Variants in PCDHGA7 observed in about 807,000 individuals in gnomAD.
PCDHGA7 encodes protocadherin gamma-A7.
In PCDHGA7, 44 loss-of-function variants were observed where a neutral mutation model predicts 58.3. That is an observed-to-expected ratio of 0.75 (90% CI 0.59 to 0.97). The LOEUF (loss-of-function observed/expected upper bound fraction) is 0.97, where lower values mean the gene tolerates loss of function less well. Among genes scored for constraint, PCDHGA7 ranks in the 50% least tolerant of loss-of-function variants. PCDHGA7 has a pLI of 0.00. For synonymous variants in PCDHGA7, 516 were observed against 504.2 expected (o/e 1.02, Z -0.31); for missense variants, 1,266 against 1,188.7 (o/e 1.06, Z -0.96).
intron 1 of PCDHGA7, among the ~76,000 whole-genome samples, chr5:141,456,765 C>A (rs1468235444): frequency 2.0e-5 from 3 of 151,852 alleles, no homozygotes; most frequent in Non-Finnish European, 2.9e-5. Context: ...GAGTTTGAGA[C>A]CAGCCTGGCC....
intron 1 of PCDHGA7, chr5:141,421,504 C>A (rs757410882): frequency 1.2e-6 from 2 of 1,614,062 alleles, no homozygotes; most frequent in Admixed American, 1.7e-5. Context: ...CAGGATAGAC[C>A]GGGAGGAGCT....
intron 1 of PCDHGA7, chr5:141,426,170 T>G (rs2096918811): frequency 6.4e-6 from 1 of 155,200 alleles, no homozygotes. Flanking sequence ...CCATACGGAT[T>G]GGGGTGCCCT....
chr5:141,384,425 C>T lies in PCDHGA7; in HGVS notation c.1526C>T (p.Ser509Phe). ...APVSSYVSIN[S>F]DTGVLYALQS... ...GTGTCCTCCTATGTCTCCATAAACT[C>T]TGACACTGGAGTCCTGTACGCGCTG... The change falls in exon 1 of 4, where the codon TCT (serine) becomes TTT (phenylalanine). Residue 509 changes from serine (S) to phenylalanine (F), a missense_variant. Coordinates refer to ENST00000518325, the MANE Select transcript of PCDHGA7 (RefSeq NM_018920.4). 1.9e-6 allele frequency: 3 copies of T among 1,613,982 alleles called. No individual in the cohort carries two copies. The South Asian group carries it at 3.3e-5, about 18-fold the overall frequency.
intron 1 of PCDHGA7, chr5:141,413,905 C>G: frequency 6.2e-7 from 1 of 1,613,338 alleles, no homozygotes; most frequent in Non-Finnish European, 8.5e-7. Context: ...TGACAACGCG[C>G]CGGTCTTCAC....
chr5:141,383,357 C>A lies in PCDHGA7; in HGVS notation c.458C>A (p.Pro153Gln), dbSNP rs769784659. The A allele has an allele frequency of 9.9e-6, 16 of 1,613,956 alleles. No homozygotes were observed. The South Asian group carries it at 1.8e-4, about 18-fold the overall frequency. ...MENTAPGVRF[P>Q]LSEAGDPDVG... ...AATACAGCTCCTGGGGTTCGGTTTC[C>A]GTTAAGCGAGGCTGGGGATCCAGAT... Residue 153 changes from proline to glutamine, a missense_variant, in exon 1 of 4, where the codon CCG (proline) becomes CAG (glutamine). By Grantham distance (76) the Pro-to-Gln change is moderately conservative (BLOSUM62 -1). Transcript: ENST00000518325.
chr5:141,388,875 G>T lies in PCDHGA7; in HGVS notation c.2424+3552G>T, dbSNP rs201053346. ...TGGAGGAATGATTGCGCAATGCACAGTGGAGGTAGAAGTCATAGATGAAAA... is the reference window on the plus strand; with the variant it reads ...TGGAGGAATGATTGCGCAATGCACATTGGAGGTAGAAGTCATAGATGAAAA... On this transcript the variant is annotated intron_variant, in intron 1 of 3. Coordinates refer to ENST00000518325, the MANE Select transcript of PCDHGA7 (RefSeq NM_018920.4). 1.4e-4 allele frequency: 224 copies of T among 1,614,024 alleles called. No homozygotes were observed. The highest frequency in any genetic ancestry group is 1.8e-4 in the Non-Finnish European group (214 of 1,179,874).
chr5:141,404,157 A>G (rs746450194), intron 1 of PCDHGA7: 12 of 1,613,094 alleles, frequency 7.4e-6, no homozygotes, highest in Non-Finnish European at 5.9e-6. Flanking sequence ...GAAGATTATT[A>G]CAGATTGTTG....
chr5:141,412,233 A>G (rs866840267), intron 1 of PCDHGA7: 4 of 152,256 alleles, frequency 2.6e-5, no homozygotes, highest in Admixed American at 6.5e-5. Context: ...TTAAAAACCT[A>G]TATCACTACA....
Position 141,490,109 on chromosome 5 carries a change from G to A in PCDHGA7, c.2425-4698G>A, listed in dbSNP as rs775286436. The A allele has an allele frequency of 3.4e-5, 55 of 1,614,114 alleles. No homozygotes were observed. Among genetic ancestry groups the A allele is most frequent in the African/African-American group, 8.0e-5 (6 of 74,940 alleles). ...GGAGACCACACATCTGAGGCAGTGC[G>A]GAACCTCTTTGGCCTAGACCCTAGC... On this transcript the variant is annotated intron_variant, in intron 1 of 3. Coordinates refer to ENST00000518325, the MANE Select transcript of PCDHGA7 (RefSeq NM_018920.4). This position sits in a 1 kb window ranked among gnomAD's most constrained non-coding sequence, Gnocchi z 5.4.
intron 1 of PCDHGA7, chr5:141,409,322 C>A (rs1161029892): frequency 6.2e-7 from 1 of 1,613,988 alleles, no homozygotes; most frequent in Non-Finnish European, 8.5e-7. Flanking sequence ...AACACGGGAT[C>A]TGGATTTCGG....
chr5:141,400,736 G>A, intron 1 of PCDHGA7: 1 of 630,462 alleles, frequency 1.6e-6, no homozygotes, highest in Non-Finnish European at 2.7e-6. Context: ...AGTAGTGAGA[G>A]TTTGCTCTTA....
At position 141,487,667 on chromosome 5, in the gene PCDHGA7, ATATGGCTAGGCCATG is replaced by A; in HGVS notation, c.2425-7138_2425-7124del. 1.9e-6 allele frequency: 3 copies of A among 1,612,782 alleles called. No individual in the cohort carries two copies. In the South Asian group the frequency reaches 3.3e-5, roughly 18 times the overall value. ...GCTTGAGGGTTATTCTGATCCAGGC[ATATGGCTAGGCCATG>A]TCCTAGAGAGTACTGGCCTCTCAGT... On this transcript the variant is annotated intron_variant, in intron 1 of 3. Transcript: ENST00000518325. The surrounding 1 kb of genome is among the most constrained non-coding windows in gnomAD (Gnocchi z 5.0).
chr5:141,399,146 G>A, intron 1 of PCDHGA7: 4 of 1,613,792 alleles, frequency 2.5e-6, no homozygotes, highest in Non-Finnish European at 3.4e-6. Context: ...AATGACAATA[G>A]CCCAGAAGTT....
Position 141,486,006 on chromosome 5 carries a change from C to G in PCDHGA7, c.2425-8801C>G, listed in dbSNP as rs1394484191. The G allele has an allele frequency of 1.9e-6, 3 of 1,614,190 alleles. No individual in the cohort carries two copies. The highest frequency in any genetic ancestry group is 1.1e-5 in the South Asian group (1 of 91,084). On this transcript the variant is annotated intron_variant, in intron 1 of 3. Transcript: ENST00000518325. The surrounding 1 kb of genome is among the most constrained non-coding windows in gnomAD (Gnocchi z 5.0). Reference sequence around the variant, plus strand: ...GACCTGGGTCCCAGTGGTAACGTCACCTTTTATTTCAGTGGTCATACCCCT... The same window carrying G: ...GACCTGGGTCCCAGTGGTAACGTCAGCTTTTATTTCAGTGGTCATACCCCT...
At chr5:141,416,674 G>A (rs547618174) in intron 1 of PCDHGA7, 1 of 152,250 alleles carries the variant, frequency 6.6e-6, no homozygotes, top group South Asian at 2.1e-4. Flanking sequence ...TATATGCAAC[G>A]AAGGGAAATT....
chr5:141,452,463 G>A (rs2098741767), intron 1 of PCDHGA7, among the ~76,000 whole-genome samples: 1 of 152,160 alleles, frequency 6.6e-6, no homozygotes, highest in African/African-American at 2.4e-5. Flanking sequence ...AGCAGACGGA[G>A]CTAGGAAAAA....
intron 1 of PCDHGA7, chr5:141,389,990 C>A (rs2091998485): frequency 6.2e-7 from 1 of 1,613,926 alleles, no homozygotes; most frequent in African/African-American, 1.3e-5. Flanking sequence ...TGCTCTTCCT[C>A]GTGGCCATGA....
intron 1 of PCDHGA7, among the ~76,000 whole-genome samples, chr5:141,465,206 C>T (rs375753635): frequency 1.8e-4 from 27 of 151,896 alleles, no homozygotes; most frequent in Middle Eastern, 3.4e-3. Context: ...AAAATATAAG[C>T]TTTATTTTTC....
rs567522277 is a variant in PCDHGA7, at chr5:141,485,131, A to G, written c.2425-9676A>G. 1.3e-6 allele frequency: 2 copies of G among 1,482,660 alleles called. No individual in the cohort carries two copies. The highest frequency in any genetic ancestry group is 1.2e-5 in the South Asian group (1 of 83,730). 91.8% of individuals were successfully genotyped at this position (1,482,660 alleles called of 1,614,324 possible). ...TGGCTGTTTGGGGCGGGTCGGCTTC[A>G]TCCGCGTCTCAGGAGCAAGTAGAGA... On this transcript the variant is annotated intron_variant, in intron 1 of 3. Transcript: ENST00000518325. The surrounding 1 kb of genome is among the most constrained non-coding windows in gnomAD (Gnocchi z 5.7).
Sources: allele counts gnomAD v4.1 joint callset (sites outside exome capture counted in the v4.1 genomes callset), GRCh38; gene constraint gnomAD v4.1.1; non-coding constraint Gnocchi (gnomAD v3.1); transcripts MANE v1.5; gene names NCBI Gene and HGNC (gene_info 2026-07-23, HGNC 2026-07-21).